LCOR: variants seen among roughly 807,000 people sequenced by gnomAD.
LCOR encodes the protein ligand-dependent corepressor.
In LCOR, 14 loss-of-function variants were observed where a neutral mutation model predicts 64.4. The observed-to-expected ratio is 0.22, with a 90% CI of 0.14 to 0.34. The LOEUF is 0.34. Ranked by LOEUF, LCOR falls within the 10% of genes least tolerant of loss-of-function variation. The pLI, the probability that LCOR is intolerant of heterozygous loss-of-function variation, is 1.00. For missense variants in LCOR, 1,686 were observed against 1,765.3 expected (o/e 0.96, Z 0.80); for synonymous variants, 643 against 642.5 (o/e 1.00, Z -0.01).
intron 1 of LCOR, chr10:96,833,002 A>G (rs1321349677): frequency 1.5e-5 from 15 of 984,758 alleles, no homozygotes; most frequent in Middle Eastern, 5.2e-4. Context: ...TGGAGCTGTC[A>G]CAGTCCCCGG....
intron 7 of LCOR, among the ~76,000 whole-genome samples, chr10:96,975,552 G>A (rs1340874963): frequency 1.3e-5 from 2 of 151,526 alleles, no homozygotes; most frequent in African/African-American, 4.9e-5. Flanking sequence ...TGCCCAGGAA[G>A]AAAACTCAGG....
At chr10:96,907,541 TA>T (rs1846750371) in intron 3 of LCOR, 126 bp from the exon 4 acceptor site, 2 of 270,740 alleles carry the variant, frequency 7.4e-6, no homozygotes, top group Non-Finnish European at 1.1e-5. Context: ...ATTTAAGAGT[TA>T]AAATTTTTAA....
chr10:96,954,845 A>AAAGTGATGT, intron 7 of LCOR: 1 of 713,584 alleles, frequency 1.4e-6, no homozygotes, highest in Non-Finnish European at 2.3e-6. Flanking sequence ...TAAATAACAC[A>AAAGTGATGT]AAGTGATGTT....
intron 4 of LCOR, among the ~76,000 whole-genome samples, chr10:96,920,788 ACACG>A (rs796610968): frequency 0.014 from 1,847 of 127,852 alleles, 109 homozygotes; most frequent in African/African-American, 0.03. Context: ...ACACACACAC[ACACG>A]CGCGGTGGGG....
At position 96,985,361 on chromosome 10, in the gene LCOR, G is replaced by C. The variant is rs1392131456; in HGVS notation, c.*227G>C. ...ATATTATATTCTGGTTGTTCCTTGG[G>C]TTTTAAACTTGGAACCAAGCAGTTT... On this transcript the variant is annotated 3_prime_UTR_variant, in exon 8 of 8. Transcript: ENST00000421806. 7 of 465,552 alleles carry C rather than the reference G, an allele frequency of 1.5e-5. No individual in the cohort carries two copies. Among genetic ancestry groups the C allele is most frequent in the Non-Finnish European group, 2.5e-5 (7 of 279,200 alleles). 28.8% of individuals were successfully genotyped at this position (465,552 alleles called of 1,614,324 possible). A position where few individuals can be genotyped will look rare whatever the true frequency, so the allele number is the denominator to read the frequency against.
intron 2 of LCOR, among the ~76,000 whole-genome samples, chr10:96,901,627 G>C (rs1347341918): frequency 1.3e-5 from 2 of 152,062 alleles, no homozygotes; most frequent in Non-Finnish European, 2.9e-5. Context: ...GCCTTTTCTT[G>C]CTCTAAAAAT....
intron 2 of LCOR, among the ~76,000 whole-genome samples, chr10:96,844,690 C>T (rs1228142124): frequency 6.6e-6 from 1 of 152,014 alleles, no homozygotes; most frequent in Non-Finnish European, 1.5e-5. Context: ...TTATCTTGTT[C>T]AACTGGCCAT....
At chr10:96,904,204 T>G (rs1301774604) in intron 2 of LCOR, among the ~76,000 whole-genome samples, 1 of 152,182 alleles carries the variant, frequency 6.6e-6, no homozygotes. Context: ...TAAATTAATA[T>G]GTATTTGTTG....
Position 96,951,944 on chromosome 10 carries a change from G to A in LCOR, c.239-159G>A, listed in dbSNP as rs944242743. Among the ~76,000 whole-genome samples, 6 of 152,182 alleles carry A rather than the reference G, an allele frequency of 3.9e-5. No individual in the cohort carries two copies. In the South Asian group the frequency reaches 8.3e-4, roughly 21 times the overall value. On this transcript the variant is annotated intron_variant, in intron 6 of 7. Coordinates refer to ENST00000421806, the MANE Select transcript of LCOR (RefSeq NM_001346516.2). Reference sequence around the variant, plus strand: ...GTATAACATGCCTTGCTAAATTTATGTTGCTTCAGGATTTAATTGATTTTA... The same window carrying A: ...GTATAACATGCCTTGCTAAATTTATATTGCTTCAGGATTTAATTGATTTTA...
chr10:96,888,894 A>G (rs969316062), intron 2 of LCOR, among the ~76,000 whole-genome samples: 34 of 152,236 alleles, frequency 2.2e-4, no homozygotes, highest in African/African-American at 8.2e-4. Flanking sequence ...AGAATGTCAT[A>G]TAAATGGAAT....
At chr10:96,890,829 T>C (rs1296637918) in intron 2 of LCOR, among the ~76,000 whole-genome samples, 1 of 152,248 alleles carries the variant, frequency 6.6e-6, no homozygotes, top group East Asian at 1.9e-4. Context: ...CGCTTTATTC[T>C]GTTAATATGG....
intron 2 of LCOR, among the ~76,000 whole-genome samples, chr10:96,905,681 G>A (rs538671741): frequency 1.1e-4 from 17 of 152,054 alleles, no homozygotes; most frequent in Admixed American, 7.2e-4. Context: ...TTTAATTTTA[G>A]TAGGTAAATA....
Position 96,955,471 on chromosome 10 carries a change from C to T in LCOR, c.332+3275C>T, listed in dbSNP as rs145573126. ...AGCTCTTTGGTAATGGGTTCACAAA[C>T]GGAGAGCGCGCTTAGTAAAAAATTA... is the stretch of plus-strand genomic sequence containing the variant. On this transcript the variant is annotated intron_variant, in intron 7 of 7. Transcript: ENST00000421806. 1.7e-4 allele frequency: 268 copies of T among 1,613,964 alleles called. No individual in the cohort carries two copies. Among genetic ancestry groups the T allele is most frequent in the Non-Finnish European group, 2.1e-4 (253 of 1,180,044 alleles).
intron 2 of LCOR, among the ~76,000 whole-genome samples, chr10:96,877,402 G>C (rs1195744231): frequency 6.6e-6 from 1 of 151,948 alleles, no homozygotes; most frequent in Non-Finnish European, 1.5e-5. Context: ...ATACATGTCT[G>C]TAGTCCCAGT....
intron 7 of LCOR, chr10:96,958,423 C>T: frequency 1.4e-6 from 2 of 1,427,274 alleles, no homozygotes; most frequent in Non-Finnish European, 1.9e-6. Flanking sequence ...GGATGACAAT[C>T]GAGCAGCAGA....
At chr10:96,967,069 C>T (rs1469097307) in intron 7 of LCOR, among the ~76,000 whole-genome samples, 2 of 152,138 alleles carry the variant, frequency 1.3e-5, no homozygotes, top group Non-Finnish European at 2.9e-5. Flanking sequence ...TGTAAGAATA[C>T]TACTGTTTCT....
chr10:96,836,713 A>T (rs969158912), intron 2 of LCOR, among the ~76,000 whole-genome samples: 7 of 152,192 alleles, frequency 4.6e-5, no homozygotes, highest in Admixed American at 1.3e-4. Flanking sequence ...CTTCGTTCTG[A>T]TGGAAAAGGC....
intron 4 of LCOR, among the ~76,000 whole-genome samples, chr10:96,913,914 AAAG>A (rs1234185024): frequency 6.6e-6 from 1 of 152,134 alleles, no homozygotes; most frequent in African/African-American, 2.4e-5. Context: ...AAAAAAAAAA[AAAG>A]AAGTTAGAAC....
intron 2 of LCOR, among the ~76,000 whole-genome samples, chr10:96,894,130 C>T (rs1270282211): frequency 6.6e-6 from 1 of 152,124 alleles, no homozygotes; most frequent in Non-Finnish European, 1.5e-5. Context: ...CTCGCTCTGT[C>T]ACCCAGGCTG....
Sources: allele counts gnomAD v4.1 joint callset (sites outside exome capture counted in the v4.1 genomes callset), GRCh38; gene constraint gnomAD v4.1.1; transcripts MANE v1.5; gene names NCBI Gene and HGNC (gene_info 2026-07-23, HGNC 2026-07-21).